Variants in PEDS1 observed in about 807,000 individuals in gnomAD.
The protein encoded by PEDS1 is plasmanylethanolamine desaturase 1, also known as CarF homolog.
In PEDS1, 14 loss-of-function variants were observed where a neutral mutation model predicts 35.2. That is an observed-to-expected ratio of 0.40 (90% CI 0.26 to 0.62). The LOEUF (loss-of-function observed/expected upper bound fraction) is 0.62. Among genes scored for constraint, PEDS1 ranks in the 20% least tolerant of loss-of-function variants. PEDS1 has a pLI of 0.44. For missense variants in PEDS1, 260 were observed against 367.8 expected, an observed-to-expected ratio of 0.71 and a Z score of 2.40; for synonymous variants, 152 against 152.0, an observed-to-expected ratio of 1.00 and a Z score of 0.00.
At chr20:50,139,369 T>C (rs1011907030) in intron 2 of PEDS1, among the ~76,000 whole-genome samples, 3 of 152,164 alleles carry the variant, frequency 2.0e-5, no homozygotes, top group Non-Finnish European at 4.4e-5. Flanking sequence ...CAGTGGCTGA[T>C]GACCTCCACG....
intron 2 of PEDS1, among the ~76,000 whole-genome samples, chr20:50,139,767 C>T (rs1178414973): frequency 6.6e-6 from 1 of 151,686 alleles, no homozygotes; most frequent in Non-Finnish European, 1.5e-5. Flanking sequence ...GCAACCTCTG[C>T]CTCCCGTGTT....
rs1220143050 is a variant in PEDS1 at position 50,120,128 on chromosome 20, G to A, written c.*4930C>T. On this transcript the variant is annotated 3_prime_UTR_variant, in exon 6 of 6. Coordinates refer to ENST00000371652, the MANE Select transcript of PEDS1 (RefSeq NM_199129.4). The stretch of plus-strand genomic sequence containing the variant: ...AAAAAAAAAAAAATTAGCTGGATGT[G>A]GTGGTGTCCATCTGTAGTCCTAGCT... 1 of 153,732 alleles carries A rather than the reference G, an allele frequency of 6.5e-6. No individual in the cohort carries two copies. Among genetic ancestry groups the A allele is most frequent in the Non-Finnish European group, 1.4e-5 (1 of 69,236 alleles). 9.5% of individuals were successfully genotyped at this position (153,732 alleles called of 1,614,324 possible). A position where few individuals can be genotyped will look rare whatever the true frequency, so the allele number is the denominator to read the frequency against.
At chr20:50,147,125 C>A (rs2081354233) in intron 1 of PEDS1, among the ~76,000 whole-genome samples, 1 of 152,174 alleles carries the variant, frequency 6.6e-6, no homozygotes, top group Admixed American at 6.5e-5. Context: ...ATAACAGTTA[C>A]CCTAACAATG....
At chr20:50,138,296 G>T (rs1251131596) in intron 2 of PEDS1, among the ~76,000 whole-genome samples, 30 of 152,232 alleles carry the variant, frequency 2.0e-4, no homozygotes, top group Admixed American at 2.0e-3. Flanking sequence ...GGTGGCAGGG[G>T]CAAGGCAGGG....
rs941755015 is a variant in PEDS1, at chr20:50,124,646, C to T, written c.*412G>A. On this transcript the variant is annotated 3_prime_UTR_variant, in exon 6 of 6. Transcript: ENST00000371652. ...GCTGTGGCAGAACAATGCTCCACGA[C>T]GCTTAGGTGTGCCTGGGGGCTCCCC... is the stretch of plus-strand genomic sequence containing the variant. 1.5e-4 allele frequency: 28 copies of T among 183,502 alleles called. No homozygotes were observed. The highest frequency in any genetic ancestry group is 4.4e-4 in the African/African-American group (19 of 42,704). The allele number at this position is 183,502 out of a possible 1,614,324, so 11.4% of individuals were successfully genotyped here.
At chr20:50,151,170 A>G in intron 1 of PEDS1, 1 of 1,134,698 alleles carries the variant, frequency 8.8e-7, no homozygotes, top group South Asian at 1.3e-5. Flanking sequence ...GGCCAGTGGA[A>G]AGGAAGTTGG....
rs2081046182 is a variant in PEDS1, at chr20:50,120,904, AG to A, written c.*4153del. ...GGCAGGCGCCCAAAGGTATGTGCCC[AG>A]GCCCCTTCTAAAGAACAGTGAGCAC... is the stretch of plus-strand genomic sequence containing the variant. On this transcript the variant is annotated 3_prime_UTR_variant, in exon 6 of 6. Coordinates refer to ENST00000371652, the MANE Select transcript of PEDS1 (RefSeq NM_199129.4). 1 of 151,918 alleles carries A rather than the reference AG, an allele frequency of 6.6e-6. No individual in the cohort carries two copies. Among genetic ancestry groups the A allele is most frequent in the Non-Finnish European group, 1.5e-5 (1 of 68,052 alleles). The allele number at this position is 151,918 out of a possible 1,614,324, so 9.4% of individuals were successfully genotyped here. A position where few individuals can be genotyped will look rare whatever the true frequency, so the allele number is the denominator to read the frequency against.
Position 50,153,510 on chromosome 20 carries a change from G to A in PEDS1, c.121+7C>T, listed in dbSNP as rs1203034280. On this transcript the variant is annotated splice_region_variant and intron_variant, in intron 1 of 5. Coordinates refer to ENST00000371652, the MANE Select transcript of PEDS1 (RefSeq NM_199129.4). ...CGCAGGCCTGGAGGGGGGCCCAGAGGTCTTACCTGGCGAGTAGAGCGCAGC... is the reference window on the plus strand; with the variant it reads ...CGCAGGCCTGGAGGGGGGCCCAGAGATCTTACCTGGCGAGTAGAGCGCAGC... 3 of 1,387,296 alleles carry A rather than the reference G, an allele frequency of 2.2e-6. No homozygotes were observed. The highest frequency in any genetic ancestry group is 2.8e-6 in the Non-Finnish European group (3 of 1,063,058). 85.9% of individuals were successfully genotyped at this position (1,387,296 alleles called of 1,614,324 possible).
chr20:50,137,778 G>A (rs913133330), intron 2 of PEDS1, among the ~76,000 whole-genome samples: 2 of 152,084 alleles, frequency 1.3e-5, no homozygotes, highest in African/African-American at 4.8e-5. Flanking sequence ...GGCTGAGGCA[G>A]AAGAATCGCT....
chr20:50,128,063 G>A lies in PEDS1; in HGVS notation c.603C>T (p.Leu201=). 1 of 1,614,246 alleles carries A rather than the reference G, an allele frequency of 6.2e-7. No individual in the cohort carries two copies. The highest frequency in any genetic ancestry group is 8.5e-7 in the Non-Finnish European group (1 of 1,180,038). Residue 201 remains leucine, a synonymous_variant, in exon 5 of 6, where the codon CTC becomes CTT. Coordinates refer to ENST00000371652, the MANE Select transcript of PEDS1 (RefSeq NM_199129.4). This position sits in a 1 kb window ranked among gnomAD's most constrained non-coding sequence, Gnocchi z 5.2. ...TYFGLPRWVT[L]LQDWHVILPR... is the part of the protein sequence containing the mutation. Reference sequence around the variant, plus strand: ...GCAGGATGACATGCCAGTCCTGCAGGAGGGTGACCCAGCGTGGCAGCCCAA... The same window carrying A: ...GCAGGATGACATGCCAGTCCTGCAGAAGGGTGACCCAGCGTGGCAGCCCAA...
chr20:50,144,273 A>T (rs2081324801), intron 1 of PEDS1, among the ~76,000 whole-genome samples: 2 of 152,042 alleles, frequency 1.3e-5, no homozygotes, highest in African/African-American at 4.8e-5. Flanking sequence ...AACTTTAATG[A>T]GCTTCTTTTT....
At chr20:50,149,790 C>T (rs1010150364) in intron 1 of PEDS1, among the ~76,000 whole-genome samples, 2 of 152,176 alleles carry the variant, frequency 1.3e-5, no homozygotes, top group African/African-American at 4.8e-5. Context: ...ACACACTCAC[C>T]CCTGGCTGGC....
At chr20:50,144,266 T>C (rs975784405) in intron 1 of PEDS1, among the ~76,000 whole-genome samples, 2 of 152,358 alleles carry the variant, frequency 1.3e-5, no homozygotes, top group Admixed American at 1.3e-4. Context: ...CTAAGGGAAC[T>C]TTAATGAGCT....
At chr20:50,131,058 C>T (rs751364691) in intron 2 of PEDS1, 111 bp from the exon 3 acceptor site, 1 of 1,580,088 alleles carries the variant, frequency 6.3e-7, no homozygotes, top group Non-Finnish European at 8.6e-7. Context: ...GAAGGTGTCC[C>T]TTCTTCTCTA....
At chr20:50,146,295 G>A (rs1231262386) in intron 1 of PEDS1, among the ~76,000 whole-genome samples, 1 of 152,050 alleles carries the variant, frequency 6.6e-6, no homozygotes, top group African/African-American at 2.4e-5. Context: ...TGCCTCCTCT[G>A]ACCCCACACT....
At chr20:50,125,751 C>T (rs2081096199) in intron 5 of PEDS1, among the ~76,000 whole-genome samples, 1 of 152,094 alleles carries the variant, frequency 6.6e-6, no homozygotes. Flanking sequence ...CACCACCATG[C>T]CCAGCTAAGT....
chr20:50,151,364 G>C (rs909729866), intron 1 of PEDS1: 13 of 1,173,494 alleles, frequency 1.1e-5, no homozygotes, highest in Non-Finnish European at 1.5e-5. Context: ...GTGGTGGAGT[G>C]GGGAAACAGC....
intron 2 of PEDS1, among the ~76,000 whole-genome samples, chr20:50,132,545 T>G (rs944860186): frequency 2.6e-5 from 4 of 152,204 alleles, no homozygotes; most frequent in African/African-American, 4.8e-5. Flanking sequence ...ATGTCCTCCC[T>G]GGACACCTGA....
intron 3 of PEDS1, 82 bp downstream of exon 3, chr20:50,130,774 G>A: frequency 6.5e-7 from 1 of 1,544,842 alleles, no homozygotes; most frequent in Non-Finnish European, 8.9e-7. Context: ...TAGGGAAACA[G>A]TCTTAGAGAA....
Sources: gnomAD v4.1 joint callset for allele counts (sites outside exome capture counted in the v4.1 genomes callset) on GRCh38, gnomAD v4.1.1 for gene constraint, Gnocchi (gnomAD v3.1) non-coding constraint, MANE v1.5 for transcripts, NCBI Gene and HGNC (gene_info 2026-07-23, HGNC 2026-07-21) for gene names.